Variants in LOXHD1 observed in about 807,000 individuals in gnomAD.
LOXHD1 encodes lipoxygenase homology domain-containing protein 1.
Under a neutral mutation model 248.2 loss-of-function variants are expected in LOXHD1, and 205 were observed. The observed-to-expected ratio is 0.83, with a 90% CI of 0.74 to 0.93. The LOEUF (loss-of-function observed/expected upper bound fraction) is 0.93, where lower values mean the gene tolerates loss of function less well. LOXHD1 is among the 40% of genes least tolerant of loss of function. The pLI is 0.00. For synonymous variants in LOXHD1, 1,113 were observed against 1,162.8 expected (o/e 0.96, Z 0.87); for missense variants, 2,930 against 2,971.6 (o/e 0.99, Z 0.33).
intron 6 of LOXHD1, among the ~76,000 whole-genome samples, chr18:46,608,361 A>G (rs1322110516): frequency 6.6e-6 from 1 of 152,236 alleles, no homozygotes; most frequent in African/African-American, 2.4e-5. Context: ...ACATCTTGGC[A>G]TATGAACCTG....
chr18:46,519,062 C>A, intron 33 of LOXHD1: 6 of 985,568 alleles, frequency 6.1e-6, no homozygotes, highest in Non-Finnish European at 7.2e-6. Context: ...CAAGCCCCCA[C>A]CTCGGTTCTT....
chr18:46,481,222 A>G (rs991853365), intron 40 of LOXHD1, among the ~76,000 whole-genome samples: 6 of 152,252 alleles, frequency 3.9e-5, no homozygotes, highest in Non-Finnish European at 7.3e-5. Flanking sequence ...GAATGAGGCC[A>G]TGTGAATTGT....
At chr18:46,493,122 A>T (rs1310146502) in intron 37 of LOXHD1, among the ~76,000 whole-genome samples, 1 of 152,114 alleles carries the variant, frequency 6.6e-6, no homozygotes, top group Non-Finnish European at 1.5e-5. Flanking sequence ...CTCTGTTCCA[A>T]CTACACTGGC....
At chr18:46,514,479 G>A (rs1315789596) in intron 34 of LOXHD1, among the ~76,000 whole-genome samples, 1 of 152,198 alleles carries the variant, frequency 6.6e-6, no homozygotes, top group African/African-American at 2.4e-5. Flanking sequence ...TGCAGTCTCA[G>A]AGCTTTATTG....
rs534062215 is a variant in LOXHD1, at chr18:46,601,734, AAACT to A, written c.884-271_884-268del. 138 of 452,192 alleles carry A rather than the reference AAACT, an allele frequency of 3.1e-4. 1 individual carries two copies. Among genetic ancestry groups the A allele is most frequent in the South Asian group, 1.6e-3 (74 of 46,342 alleles). The allele number at this position is 452,192 out of a possible 1,614,324, so 28.0% of individuals were successfully genotyped here. On this transcript the variant is annotated intron_variant, in intron 7 of 40. Coordinates refer to ENST00000642948, the MANE Select transcript of LOXHD1 (RefSeq NM_001384474.1). ...GGAAGCTGTCAGTGCTGATTAGAGG[AAACT>A]AACAAAGAGAAGGAGGAACTCGGGT...
At chr18:46,552,906 A>G (rs2037165802) in intron 21 of LOXHD1, among the ~76,000 whole-genome samples, 1 of 152,120 alleles carries the variant, frequency 6.6e-6, no homozygotes, top group African/African-American at 2.4e-5. Flanking sequence ...CAATTGCCCA[A>G]TTCTGTGCCA....
intron 34 of LOXHD1, among the ~76,000 whole-genome samples, chr18:46,510,371 C>T (rs2034885645): frequency 6.6e-6 from 1 of 152,208 alleles, no homozygotes; most frequent in Non-Finnish European, 1.5e-5. Flanking sequence ...TTGGGTAATG[C>T]TACTGCCAAC....
intron 37 of LOXHD1, among the ~76,000 whole-genome samples, chr18:46,502,032 T>C (rs1000192813): frequency 3.9e-5 from 6 of 152,236 alleles, no homozygotes; most frequent in Non-Finnish European, 5.9e-5. Context: ...TATAAGGACA[T>C]TTTTAAGCAA....
intron 14 of LOXHD1, among the ~76,000 whole-genome samples, chr18:46,575,009 G>A (rs1460876163): frequency 6.6e-6 from 1 of 152,174 alleles, no homozygotes; most frequent in East Asian, 1.9e-4. Flanking sequence ...CTCCCTAAAG[G>A]ATCCCCTGCA....
At chr18:46,488,759 C>A (rs1426158432) in intron 38 of LOXHD1, among the ~76,000 whole-genome samples, 1 of 152,198 alleles carries the variant, frequency 6.6e-6, no homozygotes, top group Non-Finnish European at 1.5e-5. Flanking sequence ...TTTCCTGCTA[C>A]CTAATTAGTC....
intron 23 of LOXHD1, 64 bp from the exon 24 acceptor site, chr18:46,542,919 CA>C: frequency 6.5e-7 from 1 of 1,546,908 alleles, no homozygotes; most frequent in Non-Finnish European, 8.7e-7. Flanking sequence ...TAGTCAGACC[CA>C]AACCTTTAAT....
intron 37 of LOXHD1, 121 bp downstream of exon 37, chr18:46,505,717 G>T: frequency 2.0e-6 from 2 of 997,788 alleles, no homozygotes; most frequent in Non-Finnish European, 3.0e-6. Flanking sequence ...GTCATCAACT[G>T]TGTTCAGTTT....
intron 12 of LOXHD1, among the ~76,000 whole-genome samples, chr18:46,588,110 C>T (rs969291210): frequency 6.6e-6 from 1 of 152,008 alleles, no homozygotes; most frequent in African/African-American, 2.4e-5. Flanking sequence ...GCTGGGAAAA[C>T]GAAGCATTGT....
chr18:46,547,236 T>C (rs2036888698), intron 21 of LOXHD1, among the ~76,000 whole-genome samples, 178 bp from the exon 22 acceptor site: 1 of 152,160 alleles, frequency 6.6e-6, no homozygotes, highest in Admixed American at 6.5e-5. Context: ...GTCATTTGCC[T>C]GGGGTAGAGA....
intron 38 of LOXHD1, among the ~76,000 whole-genome samples, chr18:46,485,504 C>A (rs750281663): frequency 1.3e-5 from 2 of 151,990 alleles, no homozygotes; most frequent in Non-Finnish European, 2.9e-5. Flanking sequence ...AGTGCAAAAG[C>A]AAAGGGGAAA....
chr18:46,522,043 G>T, intron 32 of LOXHD1, 58 bp downstream of exon 32: 4 of 1,306,968 alleles, frequency 3.1e-6, no homozygotes, highest in South Asian at 1.4e-5. Context: ...CCCAGGAACT[G>T]GTCAGCTCTG....
chr18:46,479,232 A>ATGTGTGTG (rs1437862473), intron 40 of LOXHD1, among the ~76,000 whole-genome samples: 24 of 72,144 alleles, frequency 3.3e-4, no homozygotes, highest in African/African-American at 1.0e-3. Flanking sequence ...TTGTATATAT[A>ATGTGTGTG]TGTATGTGTG....
chr18:46,482,420 G>A (rs1441018619), intron 40 of LOXHD1, among the ~76,000 whole-genome samples: 1 of 152,154 alleles, frequency 6.6e-6, no homozygotes, highest in African/African-American at 2.4e-5. Context: ...GAGAGAAGGC[G>A]GCCATGTGCA....
chr18:46,574,419 A>ACACACACC (rs1357990413), intron 14 of LOXHD1, among the ~76,000 whole-genome samples: 6 of 148,924 alleles, frequency 4.0e-5, no homozygotes, highest in African/African-American at 1.3e-4. Flanking sequence ...ACACACACAC[A>ACACACACC]CCTGATCCTA....
Sources: gnomAD v4.1 joint callset for allele counts (sites outside exome capture counted in the v4.1 genomes callset) on GRCh38, gnomAD v4.1.1 for gene constraint, MANE v1.5 for transcripts, NCBI Gene and HGNC (gene_info 2026-07-23, HGNC 2026-07-21) for gene names.